The following ACSBG1 variants were observed in gnomAD, a reference collection of about 807,000 sequenced individuals.
ACSBG1 encodes the protein long-chain-fatty-acid--CoA ligase ACSBG1.
In ACSBG1, 39 loss-of-function variants were observed where a neutral mutation model predicts 80.2. The observed-to-expected ratio is 0.49, with a 90% CI of 0.38 to 0.64. ACSBG1 has a LOEUF of 0.64. Ranked by LOEUF, ACSBG1 falls within the 30% of genes least tolerant of loss-of-function variation. ACSBG1 has a pLI of 0.00. For synonymous variants in ACSBG1, 392 were observed against 379.5 expected (o/e 1.03, Z -0.38); for missense variants, 828 against 966.4 (o/e 0.86, Z 1.90).
chr15:78,182,329 G>A, intron 7 of ACSBG1, 137 bp downstream of exon 7: 1 of 1,352,998 alleles, frequency 7.4e-7, no homozygotes, highest in Non-Finnish European at 1.0e-6. Flanking sequence ...ACAGATTGAT[G>A]GGCTGTTCTA....
At chr15:78,216,597 C>T (rs1567096872) in intron 1 of ACSBG1, among the ~76,000 whole-genome samples, 1 of 152,080 alleles carries the variant, frequency 6.6e-6, no homozygotes, top group South Asian at 2.1e-4. Flanking sequence ...TAAGACATAT[C>T]CCCCTAGAAT....
rs552188026 is a variant in ACSBG1 at position 78,234,370 on chromosome 15, C to A, written c.131+1G>T. The stretch of plus-strand genomic sequence containing the variant: ...GTGCAGAAACCCAACCAATGACTTA[C>A]CTGGTTTTCAATTTTTCTTGGGTGG... On this transcript the variant is annotated splice_donor_variant, in intron 1 of 13. Coordinates refer to ENST00000258873, the MANE Select transcript of ACSBG1 (RefSeq NM_015162.5). LOFTEE classifies it high-confidence loss of function. The A allele has an allele frequency of 1.9e-6, 3 of 1,610,196 alleles. No individual in the cohort carries two copies. The highest frequency in any genetic ancestry group is 1.7e-6 in the Non-Finnish European group (2 of 1,179,954).
chr15:78,215,104 C>T (rs761295171), intron 1 of ACSBG1, among the ~76,000 whole-genome samples: 3 of 152,064 alleles, frequency 2.0e-5, no homozygotes, highest in African/African-American at 7.2e-5. Flanking sequence ...CACAGGACTT[C>T]GGAAGCCCAT....
intron 2 of ACSBG1, among the ~76,000 whole-genome samples, chr15:78,197,469 A>G (rs1462882262): frequency 6.6e-6 from 1 of 152,168 alleles, no homozygotes; most frequent in Non-Finnish European, 1.5e-5. Context: ...CTGTAATCCT[A>G]GCACTTTGGG....
Position 78,167,770 on chromosome 15 carries a change from T to G in ACSBG1, c.*3674A>C, listed in dbSNP as rs982456888. The G allele has an allele frequency of 6.6e-6, 1 of 152,230 alleles. No homozygotes were observed. The highest frequency in any genetic ancestry group is 1.5e-5 in the Non-Finnish European group (1 of 68,050). 9.4% of individuals were successfully genotyped at this position (152,230 alleles called of 1,614,324 possible). A position where few individuals can be genotyped will look rare whatever the true frequency, so the allele number is the denominator to read the frequency against. On this transcript the variant is annotated 3_prime_UTR_variant, in exon 14 of 14. Coordinates refer to ENST00000258873, the MANE Select transcript of ACSBG1 (RefSeq NM_015162.5). ...GTGGAATCATACAGTATTTGTCCTT[T>G]GAGTCTGGCTTATTTCACTTAGCGT...
At chr15:78,228,767 G>A (rs2075423955) in intron 1 of ACSBG1, among the ~76,000 whole-genome samples, 2 of 152,144 alleles carry the variant, frequency 1.3e-5, no homozygotes, top group Admixed American at 1.3e-4. Flanking sequence ...GTTCCCACTG[G>A]CTTTTAGTCT....
chr15:78,206,504 C>T lies in ACSBG1; in HGVS notation c.232+1498G>A, dbSNP rs138473823. Among the ~76,000 whole-genome samples, 1,260 of 152,290 alleles carry T rather than the reference C, an allele frequency of 8.3e-3. 28 individuals carry two copies. Among genetic ancestry groups the T allele is most frequent in the African/African-American group, 0.028 (1,177 of 41,562 alleles). ...GCACAGGGTGGAGGATCCTGGGGCACGCCCACCTTGGCCGTCCCTGCCAGT... is the reference window on the plus strand; with the variant it reads ...GCACAGGGTGGAGGATCCTGGGGCATGCCCACCTTGGCCGTCCCTGCCAGT... On this transcript the variant is annotated intron_variant, in intron 2 of 13. Coordinates refer to ENST00000258873, the MANE Select transcript of ACSBG1 (RefSeq NM_015162.5).
Position 78,178,887 on chromosome 15 carries a change from C to G in ACSBG1, c.1485-56G>C. Reference sequence around the variant, plus strand: ...GAGGGAGCCGTCTCCTCCAAGCCCCCACTGGGGAGCCGGGGTCCCAACTGC... The same window carrying G: ...GAGGGAGCCGTCTCCTCCAAGCCCCGACTGGGGAGCCGGGGTCCCAACTGC... On this transcript the variant is annotated intron_variant, in intron 10 of 13. Transcript: ENST00000258873. This position sits in a 1 kb window ranked among gnomAD's most constrained non-coding sequence, Gnocchi z 4.3. 3 of 1,524,998 alleles carry G rather than the reference C, an allele frequency of 2.0e-6. No individual in the cohort carries two copies. Among genetic ancestry groups the G allele is most frequent in the Non-Finnish European group, 2.6e-6 (3 of 1,137,102 alleles). 94.5% of individuals were successfully genotyped at this position (1,524,998 alleles called of 1,614,324 possible).
At chr15:78,184,350 T>A in intron 5 of ACSBG1, among the ~76,000 whole-genome samples, 1 of 145,954 alleles carries the variant, frequency 6.9e-6, no homozygotes, top group African/African-American at 2.6e-5. Flanking sequence ...AAATTTTTCC[T>A]TTTTTTTTTT....
At chr15:78,221,163 C>T (rs2075356791) in intron 1 of ACSBG1, among the ~76,000 whole-genome samples, 1 of 151,952 alleles carries the variant, frequency 6.6e-6, no homozygotes, top group Non-Finnish European at 1.5e-5. Context: ...AACAGTGGGC[C>T]CAGGGGACCG....
chr15:78,169,360 G>A lies in ACSBG1; in HGVS notation c.*2084C>T. ...GGATACAGAATTAACAAGAGAAAAT[G>A]TCTAACTTTTTAAGAAAAACCTTAT... On this transcript the variant is annotated 3_prime_UTR_variant, in exon 14 of 14. Coordinates refer to ENST00000258873, the MANE Select transcript of ACSBG1 (RefSeq NM_015162.5). 6.1e-6 allele frequency: 1 copy of A among 162,978 alleles called. No homozygotes were observed. Among genetic ancestry groups the A allele is most frequent in the East Asian group, 1.7e-4 (1 of 5,894 alleles). 10.1% of individuals were successfully genotyped at this position (162,978 alleles called of 1,614,324 possible).
chr15:78,212,788 C>T (rs2075278708), intron 1 of ACSBG1: 3 of 331,054 alleles, frequency 9.1e-6, no homozygotes, highest in South Asian at 6.9e-5. Context: ...GGACAGCTGC[C>T]CTCTTTCCTG....
intron 1 of ACSBG1, among the ~76,000 whole-genome samples, chr15:78,223,489 C>A (rs926822305): frequency 6.6e-6 from 1 of 152,144 alleles, no homozygotes; most frequent in East Asian, 1.9e-4. Flanking sequence ...TATTCCAAAT[C>A]CTAGCTTAAT....
chr15:78,215,731 A>AAAGAAAGAAAGGAAGAAAGAAAGG (rs1491122185), intron 1 of ACSBG1, among the ~76,000 whole-genome samples: 53 of 98,124 alleles, frequency 5.4e-4, no homozygotes, highest in African/African-American at 2.2e-3. Context: ...AAAGAGAAAG[A>AAAGAAAGAAAGGAAGAAAGAAAGG]AAGAAAGAAA....
chr15:78,168,819 C>T lies in ACSBG1; in HGVS notation c.*2625G>A, dbSNP rs182901713. On this transcript the variant is annotated 3_prime_UTR_variant, in exon 14 of 14. Transcript: ENST00000258873. Reference sequence around the variant, plus strand: ...ATGAGGAACTAAATGAAAGAGCAGCCGAGTAACTTGCCCAGGTGGCATCTC... The same window carrying T: ...ATGAGGAACTAAATGAAAGAGCAGCTGAGTAACTTGCCCAGGTGGCATCTC... 24 of 696,722 alleles carry T rather than the reference C, an allele frequency of 3.4e-5. No individual in the cohort carries two copies. The highest frequency in any genetic ancestry group is 1.7e-4 in the Admixed American group (8 of 46,606). 43.2% of individuals were successfully genotyped at this position (696,722 alleles called of 1,614,324 possible).
At chr15:78,197,493 C>T (rs1411316935) in intron 2 of ACSBG1, among the ~76,000 whole-genome samples, 1 of 151,802 alleles carries the variant, frequency 6.6e-6, no homozygotes, top group Non-Finnish European at 1.5e-5. Context: ...CCAAAGTGGG[C>T]GGATCACTTG....
At chr15:78,179,219 A>C (rs1009043345) in intron 10 of ACSBG1, among the ~76,000 whole-genome samples, 2 of 151,860 alleles carry the variant, frequency 1.3e-5, no homozygotes, top group African/African-American at 4.8e-5. Flanking sequence ...GCTCTCCTAG[A>C]ACACACTGGA....
chr15:78,174,898 A>C, intron 11 of ACSBG1: 1 of 284,714 alleles, frequency 3.5e-6, no homozygotes, highest in Non-Finnish European at 6.8e-6. Flanking sequence ...AGCACTCACC[A>C]CCATGCTAAG....
rs1313754309 is a variant in ACSBG1, at chr15:78,171,508, C to T, written c.2111G>A (p.Arg704Gln). 3.1e-6 allele frequency: 5 copies of T among 1,614,082 alleles called. No individual in the cohort carries two copies. Among genetic ancestry groups the T allele is most frequent in the South Asian group, 1.1e-5 (1 of 91,076 alleles). Residue 704 changes from arginine to glutamine, a missense_variant, in exon 14 of 14, where the codon CGG becomes CAG. Physicochemically the swap from Arg to Gln is conservative, Grantham distance 43. This residue lies in a region of ACSBG1 where 201 missense variants were observed against 227.0 expected (regional missense o/e 0.89). Coordinates refer to ENST00000258873, the MANE Select transcript of ACSBG1 (RefSeq NM_015162.5). ...GELGPTMKLK[R>Q]LTVLEKYKGI... ...TTTGTACTTCTCCAAAACTGTGAGC[C>T]GTTTCAGTTTCATCGTGGGACCTAA...
Sources: allele counts gnomAD v4.1 joint callset (sites outside exome capture counted in the v4.1 genomes callset), GRCh38; gene constraint gnomAD v4.1.1; regional missense constraint gnomAD v4.1.1; non-coding constraint Gnocchi (gnomAD v3.1); transcripts MANE v1.5; gene names NCBI Gene and HGNC (gene_info 2026-07-23, HGNC 2026-07-21).